The following GRM4 variants were observed in gnomAD, a reference collection of about 807,000 sequenced individuals.
GRM4 encodes the protein glutamate metabotropic receptor 4, also known as metabotropic glutamate receptor 4.
A neutral mutation model predicts 81.7 loss-of-function variants in GRM4; 28 were observed. That is an observed-to-expected ratio of 0.34 (90% confidence interval 0.25 to 0.47). GRM4 has a LOEUF of 0.47. Ranked by LOEUF, GRM4 falls within the 20% of genes least tolerant of loss-of-function variation. The pLI is 1.00. For synonymous variants in GRM4, 488 were observed against 528.8 expected (o/e 0.92, Z 1.06); for missense variants, 948 against 1,290.0 (o/e 0.73, Z 4.06).
rs1029573714 is a variant in GRM4 at position 34,090,371 on chromosome 6, G to A, written c.736+1512C>T. ...ACAGAGGAGGAAAGGAGCCAGCAGA[G>A]CAGAGTGGGAGGTGCTGTCCAGAGG... On this transcript the variant is annotated intron_variant, in intron 3 of 10. Coordinates refer to ENST00000538487, the MANE Select transcript of GRM4 (RefSeq NM_000841.4). This position sits in a 1 kb window ranked among gnomAD's most constrained non-coding sequence, Gnocchi z 5.2. 7.2e-5 allele frequency among the ~76,000 whole-genome samples: 11 copies of A among 152,210 alleles called. No homozygotes were observed. The highest frequency in any genetic ancestry group is 1.3e-4 in the Non-Finnish European group (9 of 68,030).
intron 9 of GRM4, among the ~76,000 whole-genome samples, chr6:34,033,442 A>T (rs2451380): frequency 0.13 from 20,068 of 152,082 alleles, 2,701 homozygotes; most frequent in African/African-American, 0.35. Flanking sequence ...CAAAGTGGGG[A>T]CAAGTCCAGC....
In GRM4 at chr6:34,154,933, G is replaced by A. The variant is rs963903953; in HGVS notation, c.312+146C>T. The A allele has an allele frequency of 2.5e-5, 15 of 600,782 alleles. No homozygotes were observed. In the African/African-American group the frequency reaches 2.5e-4, roughly 10 times the overall value. The allele number at this position is 600,782 out of a possible 1,614,324, so 37.2% of individuals were successfully genotyped here. Reference sequence around the variant, plus strand: ...CATCGCGGGCCAGCACCGCCGCCCGGTGGCCGAACGCCCTCATTGCACCCA... The same window carrying A: ...CATCGCGGGCCAGCACCGCCGCCCGATGGCCGAACGCCCTCATTGCACCCA... On this transcript the variant is annotated intron_variant, in intron 1 of 8. Coordinates refer to the GRM4 transcript ENST00000374177.
At chr6:34,128,773 G>A (rs899502714) in intron 2 of GRM4, among the ~76,000 whole-genome samples, 1 of 152,196 alleles carries the variant, frequency 6.6e-6, no homozygotes, top group East Asian at 1.9e-4. Flanking sequence ...GAAGGGTTAA[G>A]CAGTTTGCCA....
chr6:34,079,401 C>T (rs2127476980), intron 3 of GRM4, among the ~76,000 whole-genome samples: 1 of 152,304 alleles, frequency 6.6e-6, no homozygotes, highest in African/African-American at 2.4e-5. Context: ...AACAGTTTAG[C>T]CAGAGACACA....
rs573470555 is a variant in GRM4, at chr6:34,089,220, A to G, written c.736+2663T>C. On this transcript the variant is annotated intron_variant, in intron 3 of 10. Coordinates refer to ENST00000538487, the MANE Select transcript of GRM4 (RefSeq NM_000841.4). This position sits in a 1 kb window ranked among gnomAD's most constrained non-coding sequence, Gnocchi z 4.3. ...CCCCTCTCTGGTGCTCCTCTGAGCA[A>G]CTCACAGATGATTTATACTTCAGAG... Among the ~76,000 whole-genome samples, 130 of 152,242 alleles carry G rather than the reference A, an allele frequency of 8.5e-4. 1 individual carries two copies. Among genetic ancestry groups the G allele is most frequent in the African/African-American group, 2.8e-3 (117 of 41,544 alleles).
chr6:34,147,925 TG>T (rs1770971954), upstream of GRM4, among the ~76,000 whole-genome samples: 1 of 151,978 alleles, frequency 6.6e-6, no homozygotes, highest in Non-Finnish European at 1.5e-5. Context: ...AATGAATGAA[TG>T]AATGAACTAA....
At chr6:34,106,257 A>C (rs1178447010) in intron 2 of GRM4, among the ~76,000 whole-genome samples, 1 of 151,928 alleles carries the variant, frequency 6.6e-6, no homozygotes, top group African/African-American at 2.4e-5. Context: ...TCTACCAAAA[A>C]TACAAAAATT....
At position 34,022,715 on chromosome 6, in the gene GRM4, T is replaced by C; in HGVS notation, c.*106A>G. 1.0e-6 allele frequency: 1 copy of C among 995,754 alleles called. No individual in the cohort carries two copies. The highest frequency in any genetic ancestry group is 1.3e-5 in the South Asian group (1 of 76,250). 61.7% of individuals were successfully genotyped at this position (995,754 alleles called of 1,614,324 possible). ...CTCAGCACCAAGCCACGTCCGTGGG[T>C]GCCCACGGGCAGGCAAGACAGCTGG... On this transcript the variant is annotated 3_prime_UTR_variant, in exon 11 of 11. Transcript: ENST00000538487. The surrounding 1 kb of genome is among the most constrained non-coding windows in gnomAD (Gnocchi z 5.6).
intron 2 of GRM4, among the ~76,000 whole-genome samples, chr6:34,107,784 G>C (rs1274824629): frequency 6.6e-6 from 1 of 152,184 alleles, no homozygotes; most frequent in Non-Finnish European, 1.5e-5. Context: ...CCCACGGGAG[G>C]CCACTGCAAT....
chr6:34,095,049 G>A (rs1768443107), intron 2 of GRM4, among the ~76,000 whole-genome samples: 2 of 152,326 alleles, frequency 1.3e-5, no homozygotes, highest in African/African-American at 2.4e-5. Flanking sequence ...CACTGGCCCT[G>A]GCCCACGGCA....
upstream of GRM4, among the ~76,000 whole-genome samples, chr6:34,146,633 GGGAGGGA>G (rs1379076499): frequency 7.2e-5 from 11 of 152,316 alleles, no homozygotes; most frequent in South Asian, 2.1e-4. Flanking sequence ...CCTTGTCCTG[GGGAGGGA>G]GCACAACACT....
Position 34,035,785 on chromosome 6 carries a change from G to A in GRM4, c.2325C>T (p.Arg775=), listed in dbSNP as rs370915285. ...VTCTVYAIKT[R]GVPETFNEAK... is the part of the protein sequence containing the mutation. ...CCTCATTGAAGGTCTCGGGCACGCC[G>A]CGTGTCTTGATGGCATACACGGTGC... Residue 775 remains arginine (R), a synonymous_variant, in exon 9 of 11, where the codon CGC becomes CGT. Transcript: ENST00000538487. The surrounding 1 kb of genome is among the most constrained non-coding windows in gnomAD (Gnocchi z 6.6). The A allele has an allele frequency of 3.4e-5, 55 of 1,613,478 alleles. No homozygotes were observed. The highest frequency in any genetic ancestry group is 8.0e-5 in the African/African-American group (6 of 74,922).
chr6:34,049,174 A>G (rs770059447), intron 6 of GRM4, among the ~76,000 whole-genome samples: 3 of 151,646 alleles, frequency 2.0e-5, no homozygotes, highest in Non-Finnish European at 4.4e-5. Flanking sequence ...GACCAACTCC[A>G]GTCTGGCTTT....
At chr6:34,071,611 A>ACC (rs536946165) in intron 3 of GRM4, among the ~76,000 whole-genome samples, 1 of 54,184 alleles carries the variant, frequency 1.8e-5, no homozygotes, top group South Asian at 6.0e-4. Flanking sequence ...TACCACACAC[A>ACC]CCCATACATC....
chr6:34,075,637 A>C (rs1367915402), intron 3 of GRM4, among the ~76,000 whole-genome samples: 1 of 152,176 alleles, frequency 6.6e-6, no homozygotes, highest in Non-Finnish European at 1.5e-5. Flanking sequence ...GCTACTTCTT[A>C]GCTGTGTGAC....
Position 34,133,457 on chromosome 6 carries a change from G to A in GRM4, c.40C>T (p.Leu14=), listed in dbSNP as rs1390054928. Residue 14 remains leucine, a synonymous_variant, in exon 2 of 11, where the codon CTG becomes TTG. Coordinates refer to ENST00000538487, the MANE Select transcript of GRM4 (RefSeq NM_000841.4). The surrounding 1 kb of genome is among the most constrained non-coding windows in gnomAD (Gnocchi z 6.5). The stretch of plus-strand genomic sequence containing the variant: ...AGGCTGAGGAGCAGGCAAAGGGGCA[G>A]CCGGGCCCACCACCAGCCCAAGCCT... ...KRGLGWWWAR[L]PLCLLLSLYG... is the part of the protein sequence containing the mutation. The A allele has an allele frequency of 6.3e-7, 1 of 1,597,750 alleles. No homozygotes were observed.
rs1764943617 is a variant in GRM4 at position 34,040,360 on chromosome 6, A to AGG, written c.1370-48_1370-47dup. On this transcript the variant is annotated intron_variant, in intron 7 of 10. Coordinates refer to ENST00000538487, the MANE Select transcript of GRM4 (RefSeq NM_000841.4). Reference sequence around the variant, plus strand: ...CTTTGCAGAGCCTTTACCCAGAGGCAGGGCGGATGATGAGCCTGGGGCAGA... The same window carrying AGG: ...CTTTGCAGAGCCTTTACCCAGAGGCAGGGGGCGGATGATGAGCCTGGGGCAGA... 1.9e-6 allele frequency: 3 copies of AGG among 1,602,266 alleles called. No homozygotes were observed. The African/African-American group carries it at 4.0e-5, about 21-fold the overall frequency.
rs775336472 is a variant in GRM4 at position 34,040,214 on chromosome 6, C to G, written c.1470G>C (p.Lys490Asn). The G allele has an allele frequency of 1.8e-5, 29 of 1,614,144 alleles. No individual in the cohort carries two copies. The highest frequency in any genetic ancestry group is 2.5e-5 in the Non-Finnish European group (29 of 1,179,930). ...YQLRNDSAEY[K>N]VIGSWTDHLH... Reference sequence around the variant, plus strand: ...GGTGGTCAGTCCAGGAGCCAATGACCTTGTACTCGGCAGAATCGTTGCGCA... The same window carrying G: ...GGTGGTCAGTCCAGGAGCCAATGACGTTGTACTCGGCAGAATCGTTGCGCA... Residue 490 changes from lysine (K) to asparagine (N), a missense_variant, in exon 8 of 11, where the codon AAG becomes AAC. Transcript: ENST00000538487.
chr6:34,094,829 C>T (rs568498860), intron 2 of GRM4, among the ~76,000 whole-genome samples: 3 of 152,302 alleles, frequency 2.0e-5, no homozygotes, highest in East Asian at 1.9e-4. Flanking sequence ...ACACAGCCGG[C>T]GGCAAATGGA....
Sources: allele counts gnomAD v4.1 joint callset (sites outside exome capture counted in the v4.1 genomes callset), GRCh38; gene constraint gnomAD v4.1.1; non-coding constraint Gnocchi (gnomAD v3.1); transcripts MANE v1.5; gene names NCBI Gene and HGNC (gene_info 2026-07-23, HGNC 2026-07-21).